GFM2: variants seen among roughly 807,000 people sequenced by gnomAD.
GFM2 encodes ribosome-releasing factor 2, mitochondrial.
A neutral mutation model predicts 95.4 loss-of-function variants in GFM2; 72 were observed. The ratio of observed to expected loss-of-function variants is 0.76; its 90% CI spans 0.62 to 0.92. The LOEUF (loss-of-function observed/expected upper bound fraction) is 0.92. Among genes scored for constraint, GFM2 ranks in the 40% least tolerant of loss-of-function variants. GFM2 has a pLI of 0.00. For missense variants in GFM2, 825 were observed against 924.1 expected (o/e 0.89, Z 1.39); for synonymous variants, 276 against 317.5 (o/e 0.87, Z 1.39).
At chr5:74,749,239 T>A (rs532899020) in intron 7 of GFM2, among the ~76,000 whole-genome samples, 1 of 152,126 alleles carries the variant, frequency 6.6e-6, no homozygotes, top group East Asian at 1.9e-4. Context: ...GGTCTCTAAT[T>A]CCTGGGCTCA....
intron 2 of GFM2, among the ~76,000 whole-genome samples, chr5:74,761,195 A>AT (rs1030571503): frequency 2.0e-5 from 3 of 152,218 alleles, no homozygotes; most frequent in African/African-American, 7.2e-5. Flanking sequence ...CTGATTTGCT[A>AT]TTTTGAGCTG....
At chr5:74,754,547 G>T (rs996788480) in intron 5 of GFM2, among the ~76,000 whole-genome samples, 2 of 152,102 alleles carry the variant, frequency 1.3e-5, no homozygotes, top group African/African-American at 4.8e-5. Flanking sequence ...CACCAAAAGT[G>T]AGCAGGAATA....
chr5:74,743,981 TAAC>T (rs1227020993), intron 10 of GFM2, among the ~76,000 whole-genome samples: 1 of 152,132 alleles, frequency 6.6e-6, no homozygotes, highest in Non-Finnish European at 1.5e-5. Flanking sequence ...ATAACAAAAA[TAAC>T]AATTATTATG....
At chr5:74,752,296 T>A (rs142427759) in intron 5 of GFM2, among the ~76,000 whole-genome samples, 1 of 152,174 alleles carries the variant, frequency 6.6e-6, no homozygotes, top group Non-Finnish European at 1.5e-5. Context: ...GTAAAAGAAA[T>A]AAACAGTTGG....
chr5:74,763,748 T>A lies in GFM2; in HGVS notation c.-6A>T. 6 of 1,602,746 alleles carry A rather than the reference T, an allele frequency of 3.7e-6. No individual in the cohort carries two copies. The highest frequency in any genetic ancestry group is 4.3e-6 in the Non-Finnish European group (5 of 1,170,692). ...ATCCTCAAGTTGGTCAACATCTTGA[T>A]CCTCCAAACTGTTACTGTCTGAAAA... On this transcript the variant is annotated 5_prime_UTR_variant, in exon 2 of 21. Transcript: ENST00000296805.
chr5:74,743,487 T>C (rs925365216), intron 10 of GFM2, among the ~76,000 whole-genome samples: 16 of 152,320 alleles, frequency 1.1e-4, no homozygotes, highest in African/African-American at 3.6e-4. Context: ...TACATACTTA[T>C]GTATTTCTTA....
chr5:74,751,330 T>C, intron 6 of GFM2, 38 bp downstream of exon 6: 1 of 1,559,936 alleles, frequency 6.4e-7, no homozygotes. Context: ...AAACTCCAAA[T>C]GACGCAGCAT....
chr5:74,740,783 CTTT>C (rs368837264), intron 11 of GFM2, among the ~76,000 whole-genome samples: 1 of 152,100 alleles, frequency 6.6e-6, no homozygotes, highest in African/African-American at 2.4e-5. Context: ...AGAAAAAATA[CTTT>C]TTTTCATTCT....
Position 74,736,826 on chromosome 5 carries a change from T to C in GFM2, c.1480A>G (p.Ile494Val), listed in dbSNP as rs778636828. The change falls in exon 15 of 21, where the codon ATA becomes GTA. Residue 494 changes from isoleucine to valine, a missense_variant. By Grantham distance (29) the Ile-to-Val change is conservative. Transcript: ENST00000296805. ...EIPEPVFFCTIEPPSLSKQPD... is the reference protein window; with the variant it reads ...EIPEPVFFCTVEPPSLSKQPD... Reference sequence around the variant, plus strand: ...TGCTTAGACAGTGATGGGGGTTCTATGGTACAGAAGAAAACAGGTTCTGGA... The same window carrying C: ...TGCTTAGACAGTGATGGGGGTTCTACGGTACAGAAGAAAACAGGTTCTGGA... The C allele has an allele frequency of 8.1e-6, 13 of 1,613,850 alleles. 1 individual carries two copies. The highest frequency in any genetic ancestry group is 6.7e-5 in the Admixed American group (4 of 59,990).
chr5:74,767,104 C>G lies in GFM2; in HGVS notation c.-191G>C. ...ATAGGCTTTCTCCGCTCTACCGCCT[C>G]GGGCAGCCACACCTCCACACTTCCG... On this transcript the variant is annotated 5_prime_UTR_variant, in exon 1 of 21. Transcript: ENST00000296805. 2 of 477,264 alleles carry G rather than the reference C, an allele frequency of 4.2e-6. No individual in the cohort carries two copies. Among genetic ancestry groups the G allele is most frequent in the Non-Finnish European group, 7.6e-6 (2 of 263,148 alleles). The allele number at this position is 477,264 out of a possible 1,614,324, so 29.6% of individuals were successfully genotyped here. A position where few individuals can be genotyped will look rare whatever the true frequency, so the allele number is the denominator to read the frequency against.
In GFM2 at chr5:74,750,637, C is replaced by A; in HGVS notation, c.461G>T (p.Arg154Leu). 1 of 1,613,248 alleles carries A rather than the reference C, an allele frequency of 6.2e-7. No homozygotes were observed. The highest frequency in any genetic ancestry group is 1.1e-5 in the South Asian group (1 of 91,000). The change falls in exon 7 of 21, where the codon CGG becomes CTG. Residue 154 changes from arginine to leucine, a missense_variant. Physicochemically the swap from Arg to Leu is moderately radical, Grantham distance 102. Coordinates refer to ENST00000296805, the MANE Select transcript of GFM2 (RefSeq NM_032380.5). The stretch of plus-strand genomic sequence containing the variant: ...TGCACCATCCAACACTCTTAGGCAC[C>A]GCTCAACCTCCAAGGTAAAGTCCAC... ...GHVDFTLEVE[R>L]CLRVLDGAVA... is the part of the protein sequence containing the mutation.
intron 5 of GFM2, among the ~76,000 whole-genome samples, chr5:74,755,681 A>T (rs1743943087): frequency 6.6e-6 from 1 of 152,212 alleles, no homozygotes; most frequent in African/African-American, 2.4e-5. Flanking sequence ...CCAGGAAGAA[A>T]CAGAAACTGA....
At chr5:74,745,412 G>T (rs1579997995) in intron 10 of GFM2, among the ~76,000 whole-genome samples, 1 of 152,134 alleles carries the variant, frequency 6.6e-6, no homozygotes, top group African/African-American at 2.4e-5. Context: ...ATTAGTGGGA[G>T]AGAGAGATGA....
Position 74,751,366 on chromosome 5 carries a change from A to G in GFM2, c.430+2T>C, listed in dbSNP as rs766428077. ...CTCTGTGTTACTGGAATCGTACCAT[A>G]CCTGGTGTATCAATTAGATTGACTC... On this transcript the variant is annotated splice_donor_variant, in intron 6 of 20. Transcript: ENST00000296805. LOFTEE classifies it high-confidence loss of function. 1 of 1,612,698 alleles carries G rather than the reference A, an allele frequency of 6.2e-7. No homozygotes were observed. The highest frequency in any genetic ancestry group is 8.5e-7 in the Non-Finnish European group (1 of 1,179,228).
At chr5:74,733,125 A>T (rs768369351) in intron 15 of GFM2, 27 bp from the exon 16 acceptor site, 2 of 1,493,852 alleles carry the variant, frequency 1.3e-6, no homozygotes, top group Non-Finnish European at 1.9e-6. Flanking sequence ...TGTTATCTTT[A>T]CATTTCATTT....
rs563028374 is a variant in GFM2 at position 74,765,165 on chromosome 5, T to A, written c.-24-1399A>T. 2.1e-4 allele frequency: 228 copies of A among 1,084,968 alleles called. 1 individual carries two copies. Among genetic ancestry groups the A allele is most frequent in the Non-Finnish European group, 2.5e-4 (222 of 873,916 alleles). The allele number at this position is 1,084,968 out of a possible 1,614,324, so 67.2% of individuals were successfully genotyped here. On this transcript the variant is annotated intron_variant, in intron 1 of 20. Coordinates refer to ENST00000296805, the MANE Select transcript of GFM2 (RefSeq NM_032380.5). ...TCCACAGTTGTGACTGTAATAGACATTTTCCTCTTCTTTAACTCAGTGGTT... is the reference window on the plus strand; with the variant it reads ...TCCACAGTTGTGACTGTAATAGACAATTTCCTCTTCTTTAACTCAGTGGTT...
chr5:74,767,025 C>A lies in GFM2; in HGVS notation c.-112G>T. On this transcript the variant is annotated 5_prime_UTR_variant, in exon 1 of 21. It adds an upstream start codon to the 5' untranslated region. Transcript: ENST00000296805. ...GAGCCGCGCCAAAGTCTGCAACGGC[C>A]TCAAGTCTCGACGCCAGCCTAGGCA... 1 of 274,038 alleles carries A rather than the reference C, an allele frequency of 3.6e-6. No homozygotes were observed. The highest frequency in any genetic ancestry group is 7.2e-6 in the Non-Finnish European group (1 of 139,830). 17.0% of individuals were successfully genotyped at this position (274,038 alleles called of 1,614,324 possible).
chr5:74,766,229 G>A (rs569851246), intron 1 of GFM2, among the ~76,000 whole-genome samples: 2 of 152,324 alleles, frequency 1.3e-5, no homozygotes, highest in South Asian at 4.1e-4. Context: ...GCTTGATCCC[G>A]GGAGGTCGAG....
intron 17 of GFM2, 105 bp from the exon 18 acceptor site, chr5:74,726,231 A>G (rs926419065): frequency 4.5e-5 from 32 of 718,062 alleles, no homozygotes; most frequent in Admixed American, 2.1e-4. Context: ...CTCATACAAG[A>G]TAAAGTGGGA....
Sources: allele counts gnomAD v4.1 joint callset (sites outside exome capture counted in the v4.1 genomes callset), GRCh38; gene constraint gnomAD v4.1.1; transcripts MANE v1.5; gene names NCBI Gene and HGNC (gene_info 2026-07-23, HGNC 2026-07-21).